The following PCCA variants were observed in gnomAD, a reference collection of about 807,000 sequenced individuals.
The protein encoded by PCCA is propionyl-CoA carboxylase alpha chain, mitochondrial.
A neutral mutation model predicts 101.3 loss-of-function variants in PCCA; 74 were observed. That is an observed-to-expected ratio of 0.73 (90% confidence interval 0.61 to 0.89). The LOEUF (loss-of-function observed/expected upper bound fraction) is 0.89, where lower values mean the gene tolerates loss of function less well. Among genes scored for constraint, PCCA ranks in the 40% least tolerant of loss-of-function variants. PCCA has a pLI of 0.00. For missense variants in PCCA, 891 were observed against 907.0 expected, an observed-to-expected ratio of 0.98 and a Z score of 0.23; for synonymous variants, 294 against 313.6, an observed-to-expected ratio of 0.94 and a Z score of 0.66.
chr13:100,297,104 T>C (rs1366278798), intron 12 of PCCA, among the ~76,000 whole-genome samples: 1 of 152,224 alleles, frequency 6.6e-6, no homozygotes, highest in Non-Finnish European at 1.5e-5. Flanking sequence ...TGGGCAGGAA[T>C]AGAAATGACA....
intron 21 of PCCA, among the ~76,000 whole-genome samples, chr13:100,459,758 C>T (rs531387498): frequency 5.3e-5 from 8 of 152,272 alleles, no homozygotes; most frequent in South Asian, 2.1e-4. Flanking sequence ...CACCATTGAC[C>T]GGGTGGCTTA....
intron 21 of PCCA, among the ~76,000 whole-genome samples, chr13:100,453,060 G>A (rs1421518114): frequency 2.0e-5 from 3 of 151,876 alleles, no homozygotes; most frequent in Non-Finnish European, 4.4e-5. Context: ...GCTGGGTGTG[G>A]TGGTGCATGT....
intron 19 of PCCA, among the ~76,000 whole-genome samples, chr13:100,414,232 A>G (rs76320475): frequency 6.6e-6 from 1 of 152,298 alleles, no homozygotes; most frequent in African/African-American, 2.4e-5. Context: ...TTACATATAT[A>G]TTTGGGAGAG....
At chr13:100,194,382 A>C (rs2057954055) in intron 6 of PCCA, among the ~76,000 whole-genome samples, 2 of 152,190 alleles carry the variant, frequency 1.3e-5, no homozygotes, top group Non-Finnish European at 2.9e-5. Context: ...CAATTCAGAG[A>C]ATATACAAAG....
At chr13:100,108,444 C>T (rs2048010589) in intron 2 of PCCA, among the ~76,000 whole-genome samples, 1 of 152,110 alleles carries the variant, frequency 6.6e-6, no homozygotes, top group African/African-American at 2.4e-5. Context: ...GCATATGAGT[C>T]CTTCCATCAT....
At chr13:100,226,345 A>G (rs1271499502) in intron 7 of PCCA, among the ~76,000 whole-genome samples, 1 of 152,186 alleles carries the variant, frequency 6.6e-6, no homozygotes, top group Non-Finnish European at 1.5e-5. Flanking sequence ...ACCAGCTGTA[A>G]ACTCCTAAGT....
At chr13:100,146,498 C>A (rs2052582337) in intron 4 of PCCA, among the ~76,000 whole-genome samples, 1 of 151,416 alleles carries the variant, frequency 6.6e-6, no homozygotes, top group South Asian at 2.1e-4. Context: ...TCACTTGAAC[C>A]CAAGAGGCGG....
At chr13:100,494,921 A>G (rs2085169976) in intron 21 of PCCA, among the ~76,000 whole-genome samples, 1 of 152,096 alleles carries the variant, frequency 6.6e-6, no homozygotes, top group Non-Finnish European at 1.5e-5. Context: ...CCTGCTCCCA[A>G]AATCCTCCTC....
At chr13:100,384,180 C>G (rs2076378231) in intron 19 of PCCA, among the ~76,000 whole-genome samples, 1 of 152,136 alleles carries the variant, frequency 6.6e-6, no homozygotes, top group African/African-American at 2.4e-5. Context: ...CACGTGCCAC[C>G]ACGCCTGGTT....
At chr13:100,150,818 T>C in intron 4 of PCCA, 1 of 1,584,792 alleles carries the variant, frequency 6.3e-7, no homozygotes, top group South Asian at 1.1e-5. Flanking sequence ...TGGAGCAAAC[T>C]TTAGCTGGTT....
At chr13:100,175,956 C>T (rs1247572705) in intron 6 of PCCA, among the ~76,000 whole-genome samples, 4 of 152,200 alleles carry the variant, frequency 2.6e-5, no homozygotes, top group African/African-American at 9.7e-5. Flanking sequence ...GTGAATACTA[C>T]AGGATCTACC....
Position 100,414,096 on chromosome 13 carries a change from A to G in PCCA, c.1747-11537A>G, listed in dbSNP as rs747188585. Reference sequence around the variant, plus strand: ...CCAATACCTAAAATTTGTTTTTGCAATTCACATCCTTTGAGATATATTTAA... The same window carrying G: ...CCAATACCTAAAATTTGTTTTTGCAGTTCACATCCTTTGAGATATATTTAA... On this transcript the variant is annotated intron_variant, in intron 19 of 23. Coordinates refer to ENST00000376285, the MANE Select transcript of PCCA (RefSeq NM_000282.4). 5.3e-5 allele frequency among the ~76,000 whole-genome samples: 8 copies of G among 152,228 alleles called. 1 individual carries two copies. Among genetic ancestry groups the G allele is most frequent in the Non-Finnish European group, 1.0e-4 (7 of 68,040 alleles).
chr13:100,113,230 A>G (rs1028651891), intron 4 of PCCA, among the ~76,000 whole-genome samples: 2 of 152,226 alleles, frequency 1.3e-5, no homozygotes, highest in Non-Finnish European at 1.5e-5. Context: ...TGTACTAAAT[A>G]CTGTAGGCAA....
intron 19 of PCCA, among the ~76,000 whole-genome samples, chr13:100,372,645 A>G (rs1009727606): frequency 1.3e-5 from 2 of 151,998 alleles, no homozygotes; most frequent in African/African-American, 4.8e-5. Context: ...TTTTTTTCCC[A>G]AAGTAACCAC....
intron 7 of PCCA, among the ~76,000 whole-genome samples, chr13:100,234,265 A>G (rs1003834472): frequency 2.6e-5 from 4 of 152,214 alleles, no homozygotes; most frequent in African/African-American, 9.6e-5. Context: ...AATGTGTGGA[A>G]ACCACTAACA....
intron 20 of PCCA, among the ~76,000 whole-genome samples, chr13:100,436,393 C>T (rs1384577305): frequency 6.6e-6 from 1 of 152,204 alleles, no homozygotes; most frequent in Non-Finnish European, 1.5e-5. Flanking sequence ...TACAAAGTTG[C>T]AAAGACTGGA....
At chr13:100,335,084 G>T (rs779193472) in intron 17 of PCCA, among the ~76,000 whole-genome samples, 13 of 152,208 alleles carry the variant, frequency 8.5e-5, no homozygotes, top group Non-Finnish European at 1.8e-4. Flanking sequence ...TCTTAGAATA[G>T]TGTCTGCTAC....
chr13:100,477,727 A>C lies in PCCA; in HGVS notation c.1899+28422A>C, dbSNP rs1325174680. Reference sequence around the variant, plus strand: ...CTCAGGAATACTATAAACAAATAAAATGATGGGGTGAGCCCTATGAAGCGT... The same window carrying C: ...CTCAGGAATACTATAAACAAATAAACTGATGGGGTGAGCCCTATGAAGCGT... On this transcript the variant is annotated intron_variant, in intron 21 of 23. Coordinates refer to ENST00000376285, the MANE Select transcript of PCCA (RefSeq NM_000282.4). Among the ~76,000 whole-genome samples, 3 of 152,212 alleles carry C rather than the reference A, an allele frequency of 2.0e-5. No homozygotes were observed. The East Asian group carries it at 5.8e-4, about 29-fold the overall frequency.
At chr13:100,124,541 G>A (rs1170307028) in intron 4 of PCCA, among the ~76,000 whole-genome samples, 1 of 152,122 alleles carries the variant, frequency 6.6e-6, no homozygotes, top group Non-Finnish European at 1.5e-5. Context: ...TGACAGTAAG[G>A]TGAGGGCAGT....
Sources: allele counts gnomAD v4.1 joint callset (sites outside exome capture counted in the v4.1 genomes callset), GRCh38; gene constraint gnomAD v4.1.1; transcripts MANE v1.5; gene names NCBI Gene and HGNC (gene_info 2026-07-23, HGNC 2026-07-21).